The following BIRC6 variants were observed in gnomAD, a reference collection of about 807,000 sequenced individuals.
The protein encoded by BIRC6 is baculoviral IAP repeat containing 6.
In BIRC6, 98 loss-of-function variants were observed where a neutral mutation model predicts 503.3. The observed-to-expected ratio is 0.19, with a 90% CI of 0.17 to 0.23. BIRC6 has a LOEUF of 0.23. Among genes scored for constraint, BIRC6 ranks in the 10% least tolerant of loss-of-function variants. BIRC6 has a pLI of 1.00. For synonymous variants in BIRC6, 2,240 were observed against 2,078.7 expected, an observed-to-expected ratio of 1.08 and a Z score of -2.11; for missense variants, 5,360 against 5,806.0, an observed-to-expected ratio of 0.92 and a Z score of 2.50.
chr2:32,511,837 A>T (rs1011177824), intron 53 of BIRC6, among the ~76,000 whole-genome samples: 2 of 152,058 alleles, frequency 1.3e-5, no homozygotes, highest in Non-Finnish European at 2.9e-5. Flanking sequence ...AAAATTATGG[A>T]TTACATTTAA....
At chr2:32,586,918 C>G (rs2061071689) in intron 66 of BIRC6, among the ~76,000 whole-genome samples, 1 of 152,120 alleles carries the variant, frequency 6.6e-6, no homozygotes, top group African/African-American at 2.4e-5. Context: ...GTTCTCAGTT[C>G]TCTGATGGTT....
intron 33 of BIRC6, among the ~76,000 whole-genome samples, chr2:32,474,819 G>A (rs747735819): frequency 7.9e-5 from 12 of 152,112 alleles, no homozygotes; most frequent in Middle Eastern, 3.2e-3. Flanking sequence ...CTCAGTTAAC[G>A]TTTTAAAAAT....
intron 2 of BIRC6, 92 bp downstream of exon 2, chr2:32,377,861 G>A (rs189611408): frequency 1.3e-5 from 14 of 1,114,792 alleles, no homozygotes; most frequent in East Asian, 7.7e-5. Flanking sequence ...CTTTAAGGAC[G>A]TTATTATATA....
intron 57 of BIRC6, among the ~76,000 whole-genome samples, chr2:32,524,068 G>C (rs1431904177): frequency 6.6e-6 from 1 of 150,484 alleles, no homozygotes; most frequent in Non-Finnish European, 1.5e-5. Flanking sequence ...GAGAATTGGA[G>C]ACTTGATAAC....
At chr2:32,598,040 A>G (rs1424035656) in intron 69 of BIRC6, 72 bp downstream of exon 69, 12 of 1,310,230 alleles carry the variant, frequency 9.2e-6, no homozygotes, top group Non-Finnish European at 1.3e-5. Context: ...TTTTTATACA[A>G]AACTGGAAAT....
intron 22 of BIRC6, 113 bp downstream of exon 22, chr2:32,449,041 C>T (rs1351263338): frequency 9.4e-6 from 9 of 959,010 alleles, no homozygotes; most frequent in Non-Finnish European, 1.2e-5. Context: ...ACTAAAATTC[C>T]TTAGAACTTA....
chr2:32,518,050 C>T (rs567461258), intron 55 of BIRC6, among the ~76,000 whole-genome samples: 11 of 151,002 alleles, frequency 7.3e-5, no homozygotes, highest in African/African-American at 2.7e-4. Flanking sequence ...CTTTGGTATT[C>T]ATATATTTTA....
intron 73 of BIRC6, among the ~76,000 whole-genome samples, chr2:32,613,647 G>A (rs570700763): frequency 6.6e-6 from 1 of 152,072 alleles, no homozygotes; most frequent in Non-Finnish European, 1.5e-5. Context: ...GAGCCACCGC[G>A]CCCCGCCTGA....
intron 72 of BIRC6, among the ~76,000 whole-genome samples, chr2:32,609,460 C>T (rs1444369040): frequency 6.6e-6 from 1 of 152,066 alleles, no homozygotes; most frequent in Non-Finnish European, 1.5e-5. Flanking sequence ...TTCACTTGAT[C>T]ATTAATTTCT....
rs1572430016 is a variant in BIRC6, at chr2:32,466,780, T to G, written c.5357-745T>G. 2.6e-5 allele frequency among the ~76,000 whole-genome samples: 4 copies of G among 152,334 alleles called. 1 individual carries two copies. Among genetic ancestry groups the G allele is most frequent in the Admixed American group, 2.6e-4 (4 of 15,302 alleles). ...TGCCTTAACTGTAACAGTAGCAGTC[T>G]TACTGTTGTTTTTTTGTTTTGTTTT... On this transcript the variant is annotated intron_variant, in intron 26 of 73. Coordinates refer to ENST00000421745, the MANE Select transcript of BIRC6 (RefSeq NM_016252.4).
At chr2:32,511,201 C>CTTTTTTTTTTTTTTTT in intron 53 of BIRC6, among the ~76,000 whole-genome samples, 132 of 48,574 alleles carry the variant, frequency 2.7e-3, no homozygotes, top group Non-Finnish European at 2.9e-3. Context: ...CTTTTCTTTT[C>CTTTTTTTTTTTTTTTT]TTTTTTTTTT....
chr2:32,425,615 C>G (rs983293131), intron 10 of BIRC6, among the ~76,000 whole-genome samples: 1 of 152,090 alleles, frequency 6.6e-6, no homozygotes, highest in African/African-American at 2.4e-5. Flanking sequence ...GTGACATTTT[C>G]AAACTATTTG....
At chr2:32,497,167 C>T (rs143931522) in intron 45 of BIRC6, among the ~76,000 whole-genome samples, 96 of 152,250 alleles carry the variant, frequency 6.3e-4, no homozygotes, top group East Asian at 2.3e-3. Context: ...TCTGTTCATA[C>T]GTTGAATTAT....
intron 59 of BIRC6, among the ~76,000 whole-genome samples, chr2:32,526,112 T>G (rs930773724): frequency 4.6e-5 from 7 of 152,128 alleles, no homozygotes; most frequent in African/African-American, 1.7e-4. Context: ...ATCTGATACT[T>G]TTTGAGTGCT....
chr2:32,423,216 C>A (rs1292546888), intron 10 of BIRC6, among the ~76,000 whole-genome samples: 1 of 152,212 alleles, frequency 6.6e-6, no homozygotes, highest in Non-Finnish European at 1.5e-5. Context: ...AGGCGTGACC[C>A]ACTGTTCCCG....
intron 33 of BIRC6, among the ~76,000 whole-genome samples, chr2:32,475,820 C>T (rs2049696255): frequency 6.6e-6 from 1 of 151,748 alleles, no homozygotes; most frequent in Admixed American, 6.6e-5. Context: ...ATAGACATAC[C>T]AAAATGTGTA....
chr2:32,615,158 C>G (rs2063152122), intron 73 of BIRC6, among the ~76,000 whole-genome samples: 2 of 152,106 alleles, frequency 1.3e-5, no homozygotes, highest in Non-Finnish European at 2.9e-5. Flanking sequence ...CAGGACAGCA[C>G]CAATCCATGA....
rs1161459503 is a variant in BIRC6 at position 32,415,339 on chromosome 2, C to T, written c.2048C>T (p.Pro683Leu). 6.2e-7 allele frequency: 1 copy of T among 1,613,872 alleles called. No individual in the cohort carries two copies. Among genetic ancestry groups the T allele is most frequent in the Non-Finnish European group, 8.5e-7 (1 of 1,179,892 alleles). Residue 683 changes from proline to leucine, a missense_variant, in exon 10 of 74, where the codon CCT (proline) becomes CTT (leucine). Pro to Leu is a moderately conservative substitution (Grantham distance 98). Transcript: ENST00000421745. ...DSQEQLLLQD[P>L]PVTYIQQFAD... ...CAGGAGCAGTTGTTATTGCAGGATC[C>T]TCCTGTGACTTACATTCAGCAATTT...
intron 45 of BIRC6, among the ~76,000 whole-genome samples, chr2:32,497,991 C>A (rs1327366999): frequency 6.6e-6 from 1 of 151,990 alleles, no homozygotes; most frequent in Non-Finnish European, 1.5e-5. Context: ...TTTAAGAAAT[C>A]TTTTTCTGTT....
Sources: gnomAD v4.1 joint callset for allele counts (sites outside exome capture counted in the v4.1 genomes callset) on GRCh38, gnomAD v4.1.1 for gene constraint, MANE v1.5 for transcripts, NCBI Gene and HGNC (gene_info 2026-07-23, HGNC 2026-07-21) for gene names.